The following ZNF714 variants were observed in gnomAD, a reference collection of about 807,000 sequenced individuals.
ZNF714 encodes the protein zinc finger protein 714.
ZNF714 carries 32 observed loss-of-function variants against 46.2 expected under a neutral mutation model. The ratio of observed to expected loss-of-function variants is 0.69; its 90% CI spans 0.52 to 0.93. The LOEUF is 0.93. ZNF714 is among the 40% of genes least tolerant of loss of function. The pLI, the probability that ZNF714 is intolerant of heterozygous loss-of-function variation, is 0.00. For missense variants in ZNF714, 635 were observed against 646.3 expected (o/e 0.98, Z 0.19); for synonymous variants, 199 against 213.1 (o/e 0.93, Z 0.58).
chr19:21,117,390 A>T lies in ZNF714; in HGVS notation c.726A>T (p.Ser242=), dbSNP rs758513116. 16 of 1,613,444 alleles carry T rather than the reference A, an allele frequency of 9.9e-6. No homozygotes were observed. Among genetic ancestry groups the T allele is most frequent in the Non-Finnish European group, 1.4e-5 (16 of 1,179,694 alleles). ...GTGGCAAAGCCTTCTACCATTCTTCACACCTTACTACACATAAGGTAATTC... is the reference window on the plus strand; with the variant it reads ...GTGGCAAAGCCTTCTACCATTCTTCTCACCTTACTACACATAAGGTAATTC... ...EECGKAFYHS[S]HLTTHKVIHT... The change falls in exon 5 of 5, where the codon TCA becomes TCT. Residue 242 remains serine (S), a synonymous_variant. Transcript: ENST00000456283.
At chr19:21,109,582 T>G (rs184772061) in intron 4 of ZNF714, 152 of 231,730 alleles carry the variant, frequency 6.6e-4, no homozygotes, top group East Asian at 3.1e-3. Flanking sequence ...CATTGTTGTT[T>G]TTTTTTTAAT....
chr19:21,083,003 T>C (rs1968692369), intron 1 of ZNF714, among the ~76,000 whole-genome samples: 1 of 152,006 alleles, frequency 6.6e-6, no homozygotes, highest in African/African-American at 2.4e-5. Flanking sequence ...ATTTTGTTTC[T>C]CTCAATGTAG....
At chr19:21,082,960 G>A (rs1201206282) in intron 1 of ZNF714, among the ~76,000 whole-genome samples, 2 of 152,022 alleles carry the variant, frequency 1.3e-5, no homozygotes, top group East Asian at 3.9e-4. Flanking sequence ...GTAATTAGAT[G>A]TTAATTGGCA....
At chr19:21,093,638 AT>A (rs2144834110) in intron 2 of ZNF714, among the ~76,000 whole-genome samples, 1 of 152,088 alleles carries the variant, frequency 6.6e-6, no homozygotes, top group Admixed American at 6.6e-5. Context: ...TATTTAATTA[AT>A]TAATTTTATT....
intron 4 of ZNF714, among the ~76,000 whole-genome samples, chr19:21,103,287 C>A (rs1329436268): frequency 6.6e-6 from 1 of 152,012 alleles, no homozygotes; most frequent in East Asian, 1.9e-4. Flanking sequence ...GGCTCGGTGG[C>A]TCACGCCTGT....
chr19:21,110,973 C>A (rs1346805396), intron 4 of ZNF714, among the ~76,000 whole-genome samples: 1 of 152,138 alleles, frequency 6.6e-6, no homozygotes, highest in Non-Finnish European at 1.5e-5. Flanking sequence ...CAGTACCAGG[C>A]AGCTTTGGTT....
intron 2 of ZNF714, 101 bp from the exon 3 acceptor site, chr19:21,098,080 TCAAC>T: frequency 1.4e-6 from 2 of 1,458,196 alleles, no homozygotes; most frequent in South Asian, 1.5e-5. Flanking sequence ...TTCTTATAAG[TCAAC>T]CAATTCTCTT....
At chr19:21,112,816 ATTTTTTTTTT>A (rs74172391) in intron 4 of ZNF714, among the ~76,000 whole-genome samples, 1 of 43,210 alleles carries the variant, frequency 2.3e-5, no homozygotes, top group Non-Finnish European at 4.2e-5. Context: ...TTTATTTCTG[ATTTTTTTTTT>A]TTTTTTTTTT....
intron 4 of ZNF714, among the ~76,000 whole-genome samples, chr19:21,109,418 G>T (rs1054534827): frequency 6.6e-6 from 1 of 151,766 alleles, no homozygotes; most frequent in African/African-American, 2.4e-5. Flanking sequence ...ACAATTTTTT[G>T]CCCTGTTGTC....
intron 4 of ZNF714, among the ~76,000 whole-genome samples, chr19:21,113,532 AGTCTCGCTCT>A (rs1969513183): frequency 6.9e-6 from 1 of 145,092 alleles, no homozygotes; most frequent in Non-Finnish European, 1.5e-5. Context: ...TTTGAGACCG[AGTCTCGCTCT>A]GTCACCCAGG....
At position 21,098,224 on chromosome 19, in the gene ZNF714, C is replaced by G; in HGVS notation, c.-45C>G. On this transcript the variant is annotated 5_prime_UTR_variant, in exon 3 of 5. Coordinates refer to ENST00000456283, the MANE Select transcript of ZNF714 (RefSeq NM_182515.4). ...TAGGGATGTGGCCATAGAATTCTCT[C>G]TGGAGGAGTGGGAATGCCTGAACCC... 1 of 1,612,770 alleles carries G rather than the reference C, an allele frequency of 6.2e-7. No homozygotes were observed. The highest frequency in any genetic ancestry group is 1.1e-5 in the South Asian group (1 of 90,762).
rs1437837077 is a variant in ZNF714 at position 21,098,883 on chromosome 19, A to T, written c.115A>T (p.Ile39Leu). 10 of 1,607,864 alleles carry T rather than the reference A, an allele frequency of 6.2e-6. No homozygotes were observed. Among genetic ancestry groups the T allele is most frequent in the Non-Finnish European group, 8.5e-6 (10 of 1,176,488 alleles). Residue 39 changes from isoleucine to leucine, a missense_variant, in exon 4 of 5, where the codon ATA (isoleucine) becomes TTA (leucine). Ile to Leu is a conservative substitution (Grantham distance 5). Coordinates refer to ENST00000456283, the MANE Select transcript of ZNF714 (RefSeq NM_182515.4). Reference sequence around the variant, plus strand: ...AGAAAAAGAGCCCTGGAATATGAAGATATGTGAGATGGTGGATGAATCCCC... The same window carrying T: ...AGAAAAAGAGCCCTGGAATATGAAGTTATGTGAGATGGTGGATGAATCCCC... ...EQEKEPWNMK[I>L]CEMVDESPAM...
At chr19:21,098,531 C>A (rs1196960311) in intron 3 of ZNF714, among the ~76,000 whole-genome samples, 2 of 152,100 alleles carry the variant, frequency 1.3e-5, no homozygotes, top group African/African-American at 4.8e-5. Flanking sequence ...GCATCCTTCA[C>A]TCTAGATTAG....
At chr19:21,099,895 A>C (rs1184942598) in intron 4 of ZNF714, among the ~76,000 whole-genome samples, 1 of 152,076 alleles carries the variant, frequency 6.6e-6, no homozygotes, top group Non-Finnish European at 1.5e-5. Context: ...TCGCTCTGTC[A>C]CCCAGGCTGG....
intron 2 of ZNF714, among the ~76,000 whole-genome samples, chr19:21,084,486 A>G (rs1449061160): frequency 6.6e-6 from 1 of 151,850 alleles, no homozygotes; most frequent in Admixed American, 6.6e-5. Flanking sequence ...TGTCTCCTGA[A>G]TGGGTGCTTC....
chr19:21,103,177 T>C (rs926102030), intron 4 of ZNF714, among the ~76,000 whole-genome samples: 2 of 138,940 alleles, frequency 1.4e-5, no homozygotes, highest in African/African-American at 5.2e-5. Context: ...AGAAACACTT[T>C]TTGTGATTTG....
rs894531418 is a variant in ZNF714, at chr19:21,123,272, C to T, written c.*4940C>T. ...TATTAGATTCTTATACAAAGTGTGGCAAATATAAAACTTGCTTGAAAATAT... is the reference window on the plus strand; with the variant it reads ...TATTAGATTCTTATACAAAGTGTGGTAAATATAAAACTTGCTTGAAAATAT... On this transcript the variant is annotated 3_prime_UTR_variant, in exon 5 of 5. Coordinates refer to ENST00000456283, the MANE Select transcript of ZNF714 (RefSeq NM_182515.4). 1 of 151,736 alleles carries T rather than the reference C, an allele frequency of 6.6e-6. No individual in the cohort carries two copies. The highest frequency in any genetic ancestry group is 1.9e-4 in the East Asian group (1 of 5,182). The allele number at this position is 151,736 out of a possible 1,614,324, so 9.4% of individuals were successfully genotyped here. A position where few individuals can be genotyped will look rare whatever the true frequency, so the allele number is the denominator to read the frequency against.
chr19:21,092,906 C>T (rs1488221667), intron 2 of ZNF714, among the ~76,000 whole-genome samples: 3 of 101,704 alleles, frequency 2.9e-5, no homozygotes, highest in African/African-American at 3.8e-5. Flanking sequence ...ATAACTTAAA[C>T]TTTTTTTTTT....
At chr19:21,091,306 T>G (rs1437650725) in intron 2 of ZNF714, 1 of 152,144 alleles carries the variant, frequency 6.6e-6, no homozygotes, top group Non-Finnish European at 1.5e-5. Flanking sequence ...CATCACCATG[T>G]TAATTTTGGT....
Sources: allele counts gnomAD v4.1 joint callset (sites outside exome capture counted in the v4.1 genomes callset), GRCh38; gene constraint gnomAD v4.1.1; transcripts MANE v1.5; gene names NCBI Gene and HGNC (gene_info 2026-07-23, HGNC 2026-07-21).